The following ZCCHC10 variants were observed in gnomAD, a reference collection of about 807,000 sequenced individuals.
ZCCHC10 encodes the protein zinc finger CCHC-type containing 10, also known as zinc finger CCHC domain-containing protein 10.
Under a neutral mutation model 19.5 loss-of-function variants are expected in ZCCHC10, and 16 were observed. The ratio of observed to expected loss-of-function variants is 0.82; its 90% CI spans 0.56 to 1.25. The LOEUF (loss-of-function observed/expected upper bound fraction) is 1.25. Ranked by LOEUF, ZCCHC10 falls within the 50% of genes most tolerant of loss-of-function variation. The pLI, the probability that ZCCHC10 is intolerant of heterozygous loss-of-function variation, is 0.00. For missense variants in ZCCHC10, 197 were observed against 201.0 expected, an observed-to-expected ratio of 0.98 and a Z score of 0.12; for synonymous variants, 67 against 72.5, an observed-to-expected ratio of 0.92 and a Z score of 0.38.
At position 133,006,802 on chromosome 5, in the gene ZCCHC10, T is replaced by C; in HGVS notation, c.226A>G (p.Lys76Glu). The change falls in exon 3 of 5, where the codon AAA becomes GAA. Residue 76 changes from lysine (K) to glutamate (E), a missense_variant. Transcript: ENST00000509437. ...HRPSRTAELK[K>E]ALKEKENRLL... ...CTGTTTTCTTTTTCTTTTAAAGCTT[T>C]CTTTAGTTCTGCTGTCCTTGAGGGC... The C allele has an allele frequency of 6.2e-7, 1 of 1,609,380 alleles. No homozygotes were observed. Among genetic ancestry groups the C allele is most frequent in the East Asian group, 2.2e-5 (1 of 44,776 alleles).
At chr5:133,024,139 T>C (rs919674162) in intron 1 of ZCCHC10, among the ~76,000 whole-genome samples, 12 of 152,228 alleles carry the variant, frequency 7.9e-5, no homozygotes, top group Admixed American at 5.9e-4. Flanking sequence ...GATATAAAAA[T>C]TTGTTTAACT....
intron 2 of ZCCHC10, 74 bp from the exon 3 acceptor site, chr5:133,006,994 T>C: frequency 1.5e-6 from 2 of 1,365,310 alleles, no homozygotes; most frequent in Non-Finnish European, 1.9e-6. Flanking sequence ...TATAAAAAAA[T>C]ATAAAGGATA....
intron 2 of ZCCHC10, chr5:133,019,273 T>G: frequency 4.4e-6 from 1 of 228,510 alleles, no homozygotes; most frequent in Non-Finnish European, 9.0e-6. Flanking sequence ...ATATGTATGT[T>G]TTAAACACTC....
At position 133,022,872 on chromosome 5, in the gene ZCCHC10, A is replaced by C. The variant is rs912315526; in HGVS notation, c.76T>G (p.Trp26Gly). The C allele has an allele frequency of 2.4e-5, 15 of 615,776 alleles. No individual in the cohort carries two copies. The highest frequency in any genetic ancestry group is 2.5e-4 in the Middle Eastern group (1 of 4,074). 38.1% of individuals were successfully genotyped at this position (615,776 alleles called of 1,614,324 possible). ...DTELQPVKTFWILIQPSIVIS... is the reference protein window; with the variant it reads ...DTELQPVKTFGILIQPSIVIS... The stretch of plus-strand genomic sequence containing the variant: ...ACGATGGATGGCTGAATCAGGATCC[A>C]AAAGGTCTTGACAGGCTGCAACTCT... Residue 26 changes from tryptophan (W) to glycine (G), a missense_variant, in exon 2 of 5, where the codon TGG (tryptophan) becomes GGG (glycine). Physicochemically the swap from Trp to Gly is radical, Grantham distance 184. Coordinates refer to ENST00000509437, the MANE Select transcript of ZCCHC10 (RefSeq NM_001300816.3).
intron 2 of ZCCHC10, among the ~76,000 whole-genome samples, chr5:133,013,183 G>T (rs1763682348): frequency 6.9e-6 from 1 of 144,270 alleles, no homozygotes; most frequent in Non-Finnish European, 1.5e-5. Flanking sequence ...GCTTGAACCC[G>T]AGAGGCACAG....
At chr5:133,001,953 C>CATTT (rs759455367) in intron 3 of ZCCHC10, among the ~76,000 whole-genome samples, 1 of 77,842 alleles carries the variant, frequency 1.3e-5, no homozygotes, top group Non-Finnish European at 2.5e-5. Context: ...ATTCAGCAAT[C>CATTT]TTTTTTTTTT....
At chr5:133,001,522 C>G (rs1762774289) in intron 3 of ZCCHC10, among the ~76,000 whole-genome samples, 2 of 151,474 alleles carry the variant, frequency 1.3e-5, no homozygotes, top group African/African-American at 4.9e-5. Flanking sequence ...AGTGCAGTGG[C>G]ATGATCTTGG....
At chr5:133,005,978 CTTTTTT>C (rs760600232) in intron 3 of ZCCHC10, among the ~76,000 whole-genome samples, 2 of 97,782 alleles carry the variant, frequency 2.0e-5, no homozygotes, top group South Asian at 3.3e-4. Context: ...GAAGATGCTG[CTTTTTT>C]TTTTTTTTTT....
At chr5:133,014,602 T>C (rs1273312691) in intron 2 of ZCCHC10, among the ~76,000 whole-genome samples, 1 of 152,236 alleles carries the variant, frequency 6.6e-6, no homozygotes, top group Non-Finnish European at 1.5e-5. Flanking sequence ...CAGTCACGTC[T>C]TGCTTTTCAT....
intron 1 of ZCCHC10, among the ~76,000 whole-genome samples, chr5:133,024,739 TA>T (rs1228440728): frequency 6.6e-6 from 1 of 151,918 alleles, no homozygotes; most frequent in Non-Finnish European, 1.5e-5. Context: ...CCGTCTCTAC[TA>T]AAAAATACAA....
rs1421300765 is a variant in ZCCHC10, at chr5:132,997,663, A to C, written c.*920T>G. 17 of 152,184 alleles carry C rather than the reference A, an allele frequency of 1.1e-4. No individual in the cohort carries two copies. The highest frequency in any genetic ancestry group is 1.1e-3 in the Admixed American group (17 of 15,268). The allele number at this position is 152,184 out of a possible 1,614,324, so 9.4% of individuals were successfully genotyped here. On this transcript the variant is annotated 3_prime_UTR_variant, in exon 5 of 5. Coordinates refer to ENST00000509437, the MANE Select transcript of ZCCHC10 (RefSeq NM_001300816.3). ...CATATTTTCAAAAATAGCAAAAAGC[A>C]ATCTTTATGAAAGCTTAAAAAAAGC...
chr5:132,998,686 G>T lies in ZCCHC10; in HGVS notation c.476C>A (p.Ser159Tyr). Residue 159 changes from serine to tyrosine, a missense_variant, in exon 5 of 5, where the codon TCC becomes TAC. Coordinates refer to ENST00000509437, the MANE Select transcript of ZCCHC10 (RefSeq NM_001300816.3). ...GGAATCTGAGTCTGAATCAGAGGAG[G>T]AGGAAGAGGTTGTGGAGGAGGCTGA... ...SSSASSTTSS[S>Y]SSDSDSDSSS... 1 of 1,614,174 alleles carries T rather than the reference G, an allele frequency of 6.2e-7. No homozygotes were observed. The highest frequency in any genetic ancestry group is 8.5e-7 in the Non-Finnish European group (1 of 1,180,038).
At chr5:133,000,790 G>A (rs1201861997) in intron 3 of ZCCHC10, among the ~76,000 whole-genome samples, 1 of 151,700 alleles carries the variant, frequency 6.6e-6, no homozygotes, top group African/African-American at 2.4e-5. Context: ...CTACAGGTGT[G>A]TGTCACCAAG....
intron 2 of ZCCHC10, among the ~76,000 whole-genome samples, chr5:133,010,314 G>C (rs1763414850): frequency 6.6e-6 from 1 of 152,080 alleles, no homozygotes; most frequent in Non-Finnish European, 1.5e-5. Context: ...CTCACAAAGT[G>C]CTAGGATTAC....
At chr5:133,020,614 C>A in intron 2 of ZCCHC10, among the ~76,000 whole-genome samples, 1 of 131,298 alleles carries the variant, frequency 7.6e-6, no homozygotes, top group South Asian at 2.3e-4. Context: ...AAAGCAAAAG[C>A]CTGTCTTTAA....
chr5:133,012,136 C>CA (rs1172354725), intron 2 of ZCCHC10, among the ~76,000 whole-genome samples: 39 of 74,756 alleles, frequency 5.2e-4, no homozygotes, highest in Non-Finnish European at 7.1e-4. Flanking sequence ...GCCTCCATCT[C>CA]AAAAAAAAAA....
rs748268360 is a variant in ZCCHC10, at chr5:132,998,828, T to C, written c.334A>G (p.Ser112Gly). 1.2e-6 allele frequency: 2 copies of C among 1,614,196 alleles called. No individual in the cohort carries two copies. The highest frequency in any genetic ancestry group is 1.7e-6 in the Non-Finnish European group (2 of 1,180,032). The part of the protein sequence containing the change: ...KKRSKSVTSS[S>G]SSSSDSSASD... ...GCAGAACTGTCACTGCTACTGCTAC[T>C]GGAACTGGTTACACTCTTAGACCTA... is the stretch of plus-strand genomic sequence containing the variant. Residue 112 changes from serine to glycine, a missense_variant, in exon 5 of 5, where the codon AGT becomes GGT. Coordinates refer to ENST00000509437, the MANE Select transcript of ZCCHC10 (RefSeq NM_001300816.3).
rs1436846081 is a variant in ZCCHC10 at position 132,997,460 on chromosome 5, A to G, written c.*1123T>C. ...AGAATACTGTGATGTTAAACCAAAG[A>G]CTCATCACAATAACAGCATTTTACT... is the stretch of plus-strand genomic sequence containing the variant. On this transcript the variant is annotated 3_prime_UTR_variant, in exon 5 of 5. Transcript: ENST00000509437. 6.6e-6 allele frequency: 1 copy of G among 152,106 alleles called. No homozygotes were observed. The highest frequency in any genetic ancestry group is 1.5e-5 in the Non-Finnish European group (1 of 68,012). 9.4% of individuals were successfully genotyped at this position (152,106 alleles called of 1,614,324 possible). A position where few individuals can be genotyped will look rare whatever the true frequency, so the allele number is the denominator to read the frequency against.
intron 2 of ZCCHC10, among the ~76,000 whole-genome samples, chr5:133,014,843 G>A (rs1763813700): frequency 6.6e-6 from 1 of 152,182 alleles, no homozygotes; most frequent in South Asian, 2.1e-4. Context: ...ATGGTATAAT[G>A]CGTGATTACA....
Sources: gnomAD v4.1 joint callset for allele counts (sites outside exome capture counted in the v4.1 genomes callset) on GRCh38, gnomAD v4.1.1 for gene constraint, MANE v1.5 for transcripts, NCBI Gene and HGNC (gene_info 2026-07-23, HGNC 2026-07-21) for gene names.